The following DOCK2 variants were observed in gnomAD, a reference collection of about 807,000 sequenced individuals.
DOCK2 encodes dedicator of cytokinesis protein 2.
DOCK2 carries 87 observed loss-of-function variants against 248.9 expected under a neutral mutation model. The ratio of observed to expected loss-of-function variants is 0.35; its 90% CI spans 0.29 to 0.42. DOCK2 has a LOEUF of 0.42. Among genes scored for constraint, DOCK2 ranks in the 10% least tolerant of loss-of-function variants. The pLI, the probability that DOCK2 is intolerant of heterozygous loss-of-function variation, is 1.00. For synonymous variants in DOCK2, 805 were observed against 821.6 expected (o/e 0.98, Z 0.35); for missense variants, 1,747 against 2,300.2 (o/e 0.76, Z 4.92).
At chr5:169,658,026 G>T (rs1758217021) in intron 2 of DOCK2, among the ~76,000 whole-genome samples, 1 of 152,000 alleles carries the variant, frequency 6.6e-6, no homozygotes, top group African/African-American at 2.4e-5. Context: ...ATATTAATTG[G>T]AAATAAAACA....
chr5:169,669,316 C>G lies in DOCK2; in HGVS notation c.156C>G (p.His52Gln). Reference sequence around the variant, plus strand: ...GGTATAGGGGATACCTCATAAAGCACAAAATGTTACAGGTAAGGTCACCTG... The same window carrying G: ...GGTATAGGGGATACCTCATAAAGCAGAAAATGTTACAGGTAAGGTCACCTG... ...GDWYRGYLIK[H>Q]KMLQGIFPKS... Residue 52 changes from histidine to glutamine, a missense_variant, in exon 3 of 52, where the codon CAC becomes CAG. Transcript: ENST00000520908. The G allele has an allele frequency of 1.9e-6, 3 of 1,614,096 alleles. No individual in the cohort carries two copies. Among genetic ancestry groups the G allele is most frequent in the Non-Finnish European group, 2.5e-6 (3 of 1,179,980 alleles).
chr5:169,870,076 G>A (rs1040794199), intron 27 of DOCK2, among the ~76,000 whole-genome samples: 5 of 152,170 alleles, frequency 3.3e-5, no homozygotes, highest in Admixed American at 6.5e-5. Context: ...TCTTCCTGAG[G>A]ATGCATGGGA....
In DOCK2 at chr5:169,786,122, T is replaced by A. The variant is rs191722902; in HGVS notation, c.2555-16936T>A. Among the ~76,000 whole-genome samples, 7 of 152,330 alleles carry A rather than the reference T, an allele frequency of 4.6e-5. No homozygotes were observed. In the East Asian group the frequency reaches 1.4e-3, roughly 29 times the overall value. On this transcript the variant is annotated intron_variant, in intron 25 of 51. Coordinates refer to ENST00000520908, the MANE Select transcript of DOCK2 (RefSeq NM_004946.3). ...ATACATTCTTTTTTAGTATCAAAGA[T>A]TAACATGATAACTTGCATATTAAAG...
intron 30 of DOCK2, among the ~76,000 whole-genome samples, chr5:170,007,524 GGGT>G (rs1755082425): frequency 6.6e-6 from 1 of 152,162 alleles, no homozygotes; most frequent in Admixed American, 6.5e-5. Context: ...TTTCTGCAGT[GGGT>G]ACCAGAGTCA....
intron 25 of DOCK2, among the ~76,000 whole-genome samples, chr5:169,780,404 T>C (rs918972864): frequency 2.0e-5 from 3 of 152,080 alleles, no homozygotes; most frequent in African/African-American, 7.2e-5. Context: ...TCTCATGGTG[T>C]GTTAAAAGAA....
At chr5:169,996,189 C>T in intron 30 of DOCK2, 25 bp downstream of exon 30, 1 of 1,611,004 alleles carries the variant, frequency 6.2e-7, no homozygotes, top group Non-Finnish European at 8.5e-7. Flanking sequence ...CCAGAGCTAC[C>T]CTTGGAGCTG....
At chr5:169,722,292 C>G (rs1188974346) in intron 22 of DOCK2, among the ~76,000 whole-genome samples, 3 of 152,230 alleles carry the variant, frequency 2.0e-5, no homozygotes, top group African/African-American at 7.2e-5. Flanking sequence ...GCAGACCATG[C>G]TTCCCTGTTC....
chr5:169,706,412 G>T (rs1761271295), intron 14 of DOCK2, among the ~76,000 whole-genome samples: 1 of 152,176 alleles, frequency 6.6e-6, no homozygotes, highest in Non-Finnish European at 1.5e-5. Context: ...TGTTGTCCTG[G>T]CTTTGCCACT....
chr5:169,742,931 G>A (rs1163829428), intron 22 of DOCK2, among the ~76,000 whole-genome samples: 1 of 152,224 alleles, frequency 6.6e-6, no homozygotes, highest in East Asian at 1.9e-4. Flanking sequence ...TTTCCTTGTG[G>A]TCAGGGCCTT....
At chr5:170,013,149 G>C (rs1255467898) in intron 32 of DOCK2, among the ~76,000 whole-genome samples, 1 of 152,150 alleles carries the variant, frequency 6.6e-6, no homozygotes, top group Non-Finnish European at 1.5e-5. Context: ...AGGAAAGACA[G>C]GGAAAGGGCA....
Position 170,042,136 on chromosome 5 carries a change from A to G in DOCK2, c.3876+4A>G. The stretch of plus-strand genomic sequence containing the variant: ...AGGCTACTTTGACAAAGGAAAGGTA[A>G]TCTGTCCCTGCCCACCCCCCGTGGG... On this transcript the variant is annotated splice_donor_region_variant and intron_variant, in intron 38 of 51. Transcript: ENST00000520908. 1 of 1,608,340 alleles carries G rather than the reference A, an allele frequency of 6.2e-7. No homozygotes were observed. Among genetic ancestry groups the G allele is most frequent in the East Asian group, 2.2e-5 (1 of 44,562 alleles).
intron 26 of DOCK2, among the ~76,000 whole-genome samples, chr5:169,822,029 T>C (rs1188367945): frequency 6.6e-6 from 1 of 152,122 alleles, no homozygotes; most frequent in East Asian, 1.9e-4. Context: ...AGAAAGCCAT[T>C]ACATAATGGT....
chr5:169,662,856 CT>C (rs1008350826), intron 2 of DOCK2, among the ~76,000 whole-genome samples: 4 of 152,172 alleles, frequency 2.6e-5, no homozygotes, highest in Admixed American at 1.3e-4. Context: ...CATTCCTCCC[CT>C]GGCCCTTCCC....
intron 27 of DOCK2, among the ~76,000 whole-genome samples, chr5:169,972,813 A>T (rs1777572832): frequency 6.6e-6 from 1 of 152,214 alleles, no homozygotes. Flanking sequence ...ATGTGGACTA[A>T]GAATTACACC....
At chr5:170,011,981 C>A (rs1361466948) in intron 32 of DOCK2, among the ~76,000 whole-genome samples, 1 of 152,194 alleles carries the variant, frequency 6.6e-6, no homozygotes, top group Admixed American at 6.5e-5. Flanking sequence ...TCATGGTAGT[C>A]AGATTTCTGT....
chr5:169,831,824 A>G (rs187841938), intron 26 of DOCK2, among the ~76,000 whole-genome samples: 2 of 152,254 alleles, frequency 1.3e-5, no homozygotes, highest in African/African-American at 4.8e-5. Flanking sequence ...CAAAATACAG[A>G]TGAAGAAACT....
At position 170,048,140 on chromosome 5, in the gene DOCK2, C is replaced by T. The variant is rs370580462; in HGVS notation, c.4071+526C>T. On this transcript the variant is annotated intron_variant, in intron 40 of 51. Transcript: ENST00000520908. ...GGCATGGTGGCTGATGCCTGTAATC[C>T]CAGCACTTTGGGAGGCTGAGGTGGG... 2.0e-5 allele frequency among the ~76,000 whole-genome samples: 3 copies of T among 152,124 alleles called. No individual in the cohort carries two copies. The East Asian group carries it at 5.8e-4, about 29-fold the overall frequency.
intron 27 of DOCK2, among the ~76,000 whole-genome samples, chr5:169,850,006 GT>G (rs1770537381): frequency 6.6e-6 from 1 of 152,192 alleles, no homozygotes; most frequent in South Asian, 2.1e-4. Context: ...ATATGCAAGT[GT>G]TATTACTGTT....
chr5:170,078,378 A>G (rs1312823005), intron 48 of DOCK2, among the ~76,000 whole-genome samples: 1 of 152,128 alleles, frequency 6.6e-6, no homozygotes, highest in Non-Finnish European at 1.5e-5. Context: ...TCTTGCCCAG[A>G]GGGAAAAGGA....
Sources: allele counts gnomAD v4.1 joint callset (sites outside exome capture counted in the v4.1 genomes callset), GRCh38; gene constraint gnomAD v4.1.1; transcripts MANE v1.5; gene names NCBI Gene and HGNC (gene_info 2026-07-23, HGNC 2026-07-21).